ROBO1: variants seen among roughly 807,000 people sequenced by gnomAD.
ROBO1 encodes the protein roundabout guidance receptor 1.
In ROBO1, 149 loss-of-function variants were observed where a neutral mutation model predicts 195.9. The observed-to-expected ratio is 0.76, with a 90% CI of 0.67 to 0.87. ROBO1 has a LOEUF of 0.87. Ranked by LOEUF, ROBO1 falls within the 40% of genes least tolerant of loss-of-function variation. The pLI is 0.00. For missense variants in ROBO1, 1,933 were observed against 2,068.3 expected, an observed-to-expected ratio of 0.93 and a Z score of 1.27; for synonymous variants, 816 against 733.2, an observed-to-expected ratio of 1.11 and a Z score of -1.82.
intron 3 of ROBO1, among the ~76,000 whole-genome samples, chr3:79,079,763 GAAAAAAAAT>G (rs2079238347): frequency 6.6e-6 from 1 of 150,920 alleles, no homozygotes; most frequent in African/African-American, 2.4e-5. Flanking sequence ...GACAGGGTGA[GAAAAAAAAT>G]AAAATAAAAA....
intron 2 of ROBO1, among the ~76,000 whole-genome samples, chr3:79,156,381 T>G (rs2080858521): frequency 6.6e-6 from 1 of 151,744 alleles, no homozygotes. Flanking sequence ...ATTAAACTCT[T>G]CAAGTGCAGA....
intron 2 of ROBO1, among the ~76,000 whole-genome samples, chr3:79,557,980 C>A (rs899215357): frequency 6.6e-6 from 1 of 151,786 alleles, no homozygotes; most frequent in African/African-American, 2.4e-5. Flanking sequence ...TTCAAGCCTC[C>A]AGTTAATGTT....
chr3:79,736,233 T>C (rs1703381844), intron 1 of ROBO1, among the ~76,000 whole-genome samples: 1 of 152,140 alleles, frequency 6.6e-6, no homozygotes, highest in Non-Finnish European at 1.5e-5. Context: ...CGGAGCTTGA[T>C]GCATCCAAAG....
chr3:79,201,881 T>A (rs2108780497), intron 2 of ROBO1, among the ~76,000 whole-genome samples: 1 of 149,348 alleles, frequency 6.7e-6, no homozygotes, highest in South Asian at 2.1e-4. Flanking sequence ...CATCTATTGA[T>A]AATTATATAT....
At chr3:79,656,634 T>G (rs1946172026) in intron 1 of ROBO1, among the ~76,000 whole-genome samples, 1 of 151,842 alleles carries the variant, frequency 6.6e-6, no homozygotes, top group Non-Finnish European at 1.5e-5. Context: ...TGGGCTCATA[T>G]CTATAATCCC....
intron 2 of ROBO1, among the ~76,000 whole-genome samples, chr3:79,137,046 A>G (rs1008516059): frequency 6.6e-6 from 1 of 152,122 alleles, no homozygotes; most frequent in African/African-American, 2.4e-5. Flanking sequence ...TGTTACAATC[A>G]TCTCCAATGT....
chr3:79,419,930 A>C (rs887161594), intron 2 of ROBO1, among the ~76,000 whole-genome samples: 3 of 152,118 alleles, frequency 2.0e-5, no homozygotes, highest in African/African-American at 7.2e-5. Flanking sequence ...TATACATACG[A>C]TATACAATGT....
intron 1 of ROBO1, among the ~76,000 whole-genome samples, chr3:79,656,570 A>G (rs2106791040): frequency 6.6e-6 from 1 of 152,138 alleles, no homozygotes; most frequent in African/African-American, 2.4e-5. Context: ...CATAGAAGAA[A>G]GCTTTATTGC....
At chr3:79,308,241 C>T (rs1365151989) in intron 2 of ROBO1, among the ~76,000 whole-genome samples, 5 of 152,034 alleles carry the variant, frequency 3.3e-5, no homozygotes, top group East Asian at 1.9e-4. Flanking sequence ...TAAAGAGCAT[C>T]GTACTAAGAA....
At chr3:79,643,473 G>A (rs947512522) in intron 1 of ROBO1, among the ~76,000 whole-genome samples, 1 of 152,024 alleles carries the variant, frequency 6.6e-6, no homozygotes, top group Non-Finnish European at 1.5e-5. Context: ...AAGCCCAAAG[G>A]AAAAATCTAT....
chr3:78,883,547 A>G (rs1407952165), intron 4 of ROBO1, among the ~76,000 whole-genome samples: 1 of 151,928 alleles, frequency 6.6e-6, no homozygotes, highest in African/African-American at 2.4e-5. Context: ...ATGCCTGGCT[A>G]ATTTTCTTAA....
intron 2 of ROBO1, among the ~76,000 whole-genome samples, chr3:79,475,190 C>A (rs570576943): frequency 6.6e-6 from 1 of 151,846 alleles, no homozygotes; most frequent in East Asian, 1.9e-4. Flanking sequence ...CAATTGTTTA[C>A]ATCAAATCAA....
chr3:79,420,569 G>C (rs1179294773), intron 2 of ROBO1, among the ~76,000 whole-genome samples: 2 of 152,106 alleles, frequency 1.3e-5, no homozygotes, highest in African/African-American at 2.4e-5. Flanking sequence ...ATGTCCATTT[G>C]TGTGTGACTT....
intron 4 of ROBO1, among the ~76,000 whole-genome samples, chr3:78,765,338 A>G (rs2083203252): frequency 6.6e-6 from 1 of 152,092 alleles, no homozygotes; most frequent in South Asian, 2.1e-4. Context: ...AGCTTCATAA[A>G]AGGATGAAAT....
At chr3:78,892,980 T>C (rs2036995005) in intron 4 of ROBO1, among the ~76,000 whole-genome samples, 2 of 152,172 alleles carry the variant, frequency 1.3e-5, no homozygotes, top group Non-Finnish European at 2.9e-5. Flanking sequence ...TTTAGTCCCC[T>C]GGATTTCAGG....
intron 1 of ROBO1, among the ~76,000 whole-genome samples, chr3:79,712,932 T>A (rs1461273153): frequency 2.6e-5 from 4 of 151,602 alleles, no homozygotes; most frequent in Non-Finnish European, 4.4e-5. Context: ...TTACTGAGTA[T>A]TTTTTTTATT....
intron 2 of ROBO1, among the ~76,000 whole-genome samples, chr3:79,400,789 T>C (rs1236615617): frequency 6.6e-6 from 1 of 152,000 alleles, no homozygotes; most frequent in Non-Finnish European, 1.5e-5. Flanking sequence ...TTAATTGATG[T>C]ATATATGTGT....
At chr3:78,691,154 G>T (rs1422499405) in intron 8 of ROBO1, among the ~76,000 whole-genome samples, 2 of 152,058 alleles carry the variant, frequency 1.3e-5, no homozygotes, top group Non-Finnish European at 2.9e-5. Flanking sequence ...GAAAAAATAC[G>T]TAATGGCCTA....
At chr3:79,100,005 C>G (rs1317789626) in intron 3 of ROBO1, among the ~76,000 whole-genome samples, 2 of 151,662 alleles carry the variant, frequency 1.3e-5, no homozygotes, top group Non-Finnish European at 2.9e-5. Flanking sequence ...GTATGAAGTC[C>G]AGGGTTAGCG....
Sources: allele counts gnomAD v4.1 joint callset (sites outside exome capture counted in the v4.1 genomes callset), GRCh38; gene constraint gnomAD v4.1.1; transcripts MANE v1.5; gene names NCBI Gene and HGNC (gene_info 2026-07-23, HGNC 2026-07-21).